The following NMRK1 variants were observed in gnomAD, a reference collection of about 807,000 sequenced individuals.
NMRK1 encodes NRK 1.
In NMRK1, 28 loss-of-function variants were observed where a neutral mutation model predicts 29.9. That is an observed-to-expected ratio of 0.94 (90% confidence interval 0.69 to 1.28). The LOEUF (loss-of-function observed/expected upper bound fraction) is 1.28. Ranked by LOEUF, NMRK1 falls within the 50% of genes most tolerant of loss-of-function variation. NMRK1 has a pLI of 0.00. For missense variants in NMRK1, 218 were observed against 233.1 expected (o/e 0.94, Z 0.42); for synonymous variants, 58 against 73.0 (o/e 0.79, Z 1.05).
chr9:75,082,408 A>G (rs1824373230), intron 2 of NMRK1, among the ~76,000 whole-genome samples: 1 of 152,194 alleles, frequency 6.6e-6, no homozygotes, highest in Non-Finnish European at 1.5e-5. Context: ...CCCCAAAATT[A>G]CAAACAAAGT....
chr9:75,061,720 A>G (rs1823030368), intron 8 of NMRK1, among the ~76,000 whole-genome samples, 153 bp from the exon 9 acceptor site: 1 of 152,260 alleles, frequency 6.6e-6, no homozygotes, highest in African/African-American at 2.4e-5. Flanking sequence ...AATTGAGTCC[A>G]AGTCCCATTC....
At position 75,060,993 on chromosome 9, in the gene NMRK1, G is replaced by T. The variant is rs1822990549; in HGVS notation, c.*555C>A. 1 of 152,388 alleles carries T rather than the reference G, an allele frequency of 6.6e-6. No homozygotes were observed. Among genetic ancestry groups the T allele is most frequent in the Non-Finnish European group, 1.5e-5 (1 of 68,266 alleles). 9.4% of individuals were successfully genotyped at this position (152,388 alleles called of 1,614,324 possible). ...CTAGTAATGCTATTATTTGCAGGTG[G>T]TGAGTGTTGGTATGGGATGGTATGG... On this transcript the variant is annotated 3_prime_UTR_variant, in exon 9 of 9. Coordinates refer to ENST00000361092, the MANE Select transcript of NMRK1 (RefSeq NM_017881.3).
intron 2 of NMRK1, among the ~76,000 whole-genome samples, chr9:75,080,459 C>T (rs1824251709): frequency 6.6e-6 from 1 of 152,134 alleles, no homozygotes; most frequent in African/African-American, 2.4e-5. Flanking sequence ...CAAGACCAGC[C>T]TGGTCAACAT....
chr9:75,075,014 C>G (rs1304244344), intron 4 of NMRK1, among the ~76,000 whole-genome samples: 2 of 152,128 alleles, frequency 1.3e-5, no homozygotes, highest in African/African-American at 4.8e-5. Context: ...TATATTAGGG[C>G]CTTTGTTTTA....
intron 8 of NMRK1, among the ~76,000 whole-genome samples, chr9:75,062,621 T>C (rs1160756522): frequency 4.6e-5 from 7 of 152,234 alleles, no homozygotes; most frequent in Non-Finnish European, 1.0e-4. Context: ...CCTTGCAGTC[T>C]TGTAAAAGAC....
In NMRK1 at chr9:75,070,013, T is replaced by A; in HGVS notation, c.199A>T (p.Met67Leu). The change falls in exon 5 of 9, where the codon ATG becomes TTG. Residue 67 changes from methionine to leucine, a missense_variant. Coordinates refer to ENST00000361092, the MANE Select transcript of NMRK1 (RefSeq NM_017881.3). ...TCCATCCAGCAGGAAATGGCTGACA[T>A]CATTTTTTCCATGTTAAGTGCTTCA... ...VLEALNMEKM[M>L]SAISCWMESA... 1 of 1,613,522 alleles carries A rather than the reference T, an allele frequency of 6.2e-7. No individual in the cohort carries two copies. The highest frequency in any genetic ancestry group is 8.5e-7 in the Non-Finnish European group (1 of 1,179,778).
chr9:75,071,769 T>G (rs1823712909), intron 4 of NMRK1, among the ~76,000 whole-genome samples: 1 of 152,140 alleles, frequency 6.6e-6, no homozygotes, highest in African/African-American at 2.4e-5. Flanking sequence ...CTGGTTAAGT[T>G]TCATTGCTGC....
intron 8 of NMRK1, among the ~76,000 whole-genome samples, chr9:75,061,950 A>G (rs1823045630): frequency 6.6e-6 from 1 of 152,202 alleles, no homozygotes; most frequent in South Asian, 2.1e-4. Flanking sequence ...TTCTTAAACG[A>G]AGGAAGCCCA....
At chr9:75,068,062 GCATTCC>G (rs2118047117) in intron 7 of NMRK1, among the ~76,000 whole-genome samples, 1 of 152,200 alleles carries the variant, frequency 6.6e-6, no homozygotes, top group South Asian at 2.1e-4. Context: ...AAAGAGACAT[GCATTCC>G]TCCCTTACAG....
rs763969910 is a variant in NMRK1, at chr9:75,070,016, T to G, written c.196A>C (p.Met66Leu). The G allele has an allele frequency of 1.6e-5, 26 of 1,612,808 alleles. 1 individual carries two copies. The South Asian group carries it at 2.8e-4, about 17-fold the overall frequency. The change falls in exon 5 of 9, where the codon ATG becomes CTG. Residue 66 changes from methionine to leucine, a missense_variant. Met to Leu is a conservative substitution (Grantham distance 15, BLOSUM62 2). Coordinates refer to ENST00000361092, the MANE Select transcript of NMRK1 (RefSeq NM_017881.3). ...ATCCAGCAGGAAATGGCTGACATCA[T>G]TTTTTCCATGTTAAGTGCTTCAAGC... Reference protein sequence around the residue: ...DVLEALNMEKMMSAISCWMES... With the variant: ...DVLEALNMEKLMSAISCWMES...
chr9:75,083,057 T>A (rs778687391), intron 2 of NMRK1, 30 bp downstream of exon 2: 2 of 1,525,454 alleles, frequency 1.3e-6, no homozygotes, highest in Admixed American at 1.7e-5. Flanking sequence ...CTCAGTATCT[T>A]AAAGAGCTGT....
intron 8 of NMRK1, 109 bp downstream of exon 8, chr9:75,066,648 G>A (rs1587360340): frequency 5.3e-6 from 4 of 761,008 alleles, no homozygotes; most frequent in Non-Finnish European, 9.6e-6. Context: ...GAATGGATGA[G>A]CACAATCACT....
At chr9:75,071,863 C>T (rs900964921) in intron 4 of NMRK1, among the ~76,000 whole-genome samples, 7 of 152,146 alleles carry the variant, frequency 4.6e-5, no homozygotes, top group African/African-American at 1.7e-4. Flanking sequence ...GAAGTGCCAA[C>T]CTGCTCCACT....
chr9:75,080,868 A>C (rs1218177387), intron 2 of NMRK1, among the ~76,000 whole-genome samples: 1 of 152,090 alleles, frequency 6.6e-6, no homozygotes, highest in African/African-American at 2.4e-5. Flanking sequence ...GATCCCCTTC[A>C]TCTTCCACCA....
intron 2 of NMRK1, among the ~76,000 whole-genome samples, chr9:75,080,061 T>C (rs993360623): frequency 3.3e-5 from 5 of 152,168 alleles, no homozygotes; most frequent in African/African-American, 1.2e-4. Context: ...TATTTGGACA[T>C]AACAGTGGGC....
At position 75,061,286 on chromosome 9, in the gene NMRK1, G is replaced by C. The variant is rs1823005526; in HGVS notation, c.*262C>G. ...ATTGTTATAGAGCTATGTTCAGAAA[G>C]TGGAGACTTTCTGACTCACTGTGAG... On this transcript the variant is annotated 3_prime_UTR_variant, in exon 9 of 9. Transcript: ENST00000361092. The C allele has an allele frequency of 2.4e-6, 1 of 418,354 alleles. No homozygotes were observed. Among genetic ancestry groups the C allele is most frequent in the African/African-American group, 2.0e-5 (1 of 49,326 alleles). The allele number at this position is 418,354 out of a possible 1,614,324, so 25.9% of individuals were successfully genotyped here. A position where few individuals can be genotyped will look rare whatever the true frequency, so the allele number is the denominator to read the frequency against.
At chr9:75,084,563 C>T (rs547067827) in intron 1 of NMRK1, among the ~76,000 whole-genome samples, 2 of 152,294 alleles carry the variant, frequency 1.3e-5, no homozygotes, top group African/African-American at 2.4e-5. Flanking sequence ...CCAAGGCAGG[C>T]GGATTGCTTG....
chr9:75,069,182 G>C (rs1283264375), intron 6 of NMRK1, 80 bp from the exon 7 acceptor site: 3 of 992,210 alleles, frequency 3.0e-6, no homozygotes, highest in Non-Finnish European at 4.7e-6. Flanking sequence ...AGGATAATGG[G>C]GAAATCACTC....
At chr9:75,068,691 A>G (rs763412644) in intron 7 of NMRK1, among the ~76,000 whole-genome samples, 7 of 152,168 alleles carry the variant, frequency 4.6e-5, no homozygotes, top group Admixed American at 2.6e-4. Context: ...TATCTCTAGC[A>G]CCTGTTTCCA....
Sources: gnomAD v4.1 joint callset for allele counts (sites outside exome capture counted in the v4.1 genomes callset) on GRCh38, gnomAD v4.1.1 for gene constraint, MANE v1.5 for transcripts, NCBI Gene and HGNC (gene_info 2026-07-23, HGNC 2026-07-21) for gene names.